Variants in WWOX observed in about 807,000 individuals in gnomAD.
The protein encoded by WWOX is WW domain containing oxidoreductase, also known as WW domain-containing oxidoreductase.
In WWOX, 69 loss-of-function variants were observed where a neutral mutation model predicts 46.2. That is an observed-to-expected ratio of 1.49 (90% CI 1.23 to 1.82). The LOEUF is 1.82. WWOX is among the 40% of genes most tolerant of loss of function. The probability of loss-of-function intolerance (pLI) is 0.00; values close to 1 mark genes in which losing one functional copy is unlikely to be tolerated. For synonymous variants in WWOX, 359 were observed against 202.6 expected (o/e 1.77, Z -6.56); for missense variants, 919 against 542.6 (o/e 1.69, Z -6.89).
At chr16:78,370,495 GT>G (rs66577179) in intron 5 of WWOX, among the ~76,000 whole-genome samples, 141,047 of 151,600 alleles carry the variant, frequency 0.93, 65,882 homozygotes, top group African/African-American at 0.98. Flanking sequence ...TATCTACGAT[GT>G]TTTTTTTTTT....
chr16:78,908,401 G>A (rs187987550), intron 8 of WWOX, among the ~76,000 whole-genome samples: 194 of 152,156 alleles, frequency 1.3e-3, no homozygotes, highest in African/African-American at 4.2e-3. Context: ...TTAGCCAGGC[G>A]TAGTGGTAGG....
chr16:78,939,583 C>G (rs7184982), intron 8 of WWOX, among the ~76,000 whole-genome samples: 3,026 of 152,208 alleles, frequency 0.02, 86 homozygotes, highest in African/African-American at 0.067. Flanking sequence ...TTGTATATGG[C>G]TACTGAAATG....
intron 4 of WWOX, among the ~76,000 whole-genome samples, chr16:78,125,973 C>A (rs192473343): frequency 1.3e-5 from 2 of 152,014 alleles, no homozygotes; most frequent in African/African-American, 2.4e-5. Flanking sequence ...TTTAAAAAAA[C>A]CCCAATTCTT....
chr16:79,160,830 G>C (rs539802711), intron 8 of WWOX, among the ~76,000 whole-genome samples: 1 of 152,176 alleles, frequency 6.6e-6, no homozygotes, highest in African/African-American at 2.4e-5. Context: ...ATGTAGACAT[G>C]TATAGATGCA....
intron 6 of WWOX, among the ~76,000 whole-genome samples, chr16:78,392,379 C>T (rs4357949): frequency 6.6e-6 from 1 of 151,614 alleles, no homozygotes; most frequent in Non-Finnish European, 1.5e-5. Context: ...TTGTCTAGTT[C>T]TAGGAAAACA....
intron 8 of WWOX, among the ~76,000 whole-genome samples, chr16:78,819,578 C>T (rs895237714): frequency 6.6e-6 from 1 of 152,130 alleles, no homozygotes; most frequent in Admixed American, 6.5e-5. Context: ...GGGTACTCTG[C>T]ATGTGGGGTA....
chr16:78,618,638 C>T (rs770403910), intron 8 of WWOX, among the ~76,000 whole-genome samples: 11 of 152,124 alleles, frequency 7.2e-5, no homozygotes, highest in East Asian at 1.9e-4. Context: ...GGACACAGTA[C>T]GCTCTCATAA....
chr16:78,592,253 G>A (rs1489938903), intron 8 of WWOX, among the ~76,000 whole-genome samples: 2 of 152,168 alleles, frequency 1.3e-5, no homozygotes, highest in Non-Finnish European at 2.9e-5. Context: ...TCACTTTTTA[G>A]AGGTCAGATT....
chr16:79,028,564 C>T (rs893327258), intron 8 of WWOX, among the ~76,000 whole-genome samples: 9 of 151,554 alleles, frequency 5.9e-5, no homozygotes, highest in African/African-American at 2.2e-4. Context: ...TCCCTCCTCT[C>T]TCCTTCCTTC....
chr16:78,755,819 G>C (rs2049632061), intron 8 of WWOX, among the ~76,000 whole-genome samples: 1 of 152,186 alleles, frequency 6.6e-6, no homozygotes. Flanking sequence ...CCATTTAATA[G>C]CTTTGGGTCT....
At chr16:79,018,479 C>G (rs866061340) in intron 8 of WWOX, among the ~76,000 whole-genome samples, 4 of 152,136 alleles carry the variant, frequency 2.6e-5, no homozygotes, top group Non-Finnish European at 5.9e-5. Flanking sequence ...GCCACTTGGT[C>G]TGTGTCTACA....
chr16:78,985,812 C>T (rs751352412), intron 8 of WWOX, among the ~76,000 whole-genome samples: 2 of 152,194 alleles, frequency 1.3e-5, no homozygotes, highest in Non-Finnish European at 2.9e-5. Context: ...CCTGGATCCT[C>T]ACATTGCAAT....
intron 8 of WWOX, among the ~76,000 whole-genome samples, chr16:78,774,207 C>G (rs1032256566): frequency 6.6e-6 from 1 of 152,128 alleles, no homozygotes; most frequent in Non-Finnish European, 1.5e-5. Flanking sequence ...TGGAGACCAT[C>G]CTGGCCAACA....
At chr16:78,892,524 G>A (rs912186662) in intron 8 of WWOX, among the ~76,000 whole-genome samples, 1 of 152,204 alleles carries the variant, frequency 6.6e-6, no homozygotes, top group Non-Finnish European at 1.5e-5. Flanking sequence ...GTCAAGAAGT[G>A]GGAGCTGGAC....
rs1305395657 is a variant in WWOX at position 78,422,784 on chromosome 16, TACACACACAC to T, written c.606-2084_606-2075del. 5.1e-4 allele frequency among the ~76,000 whole-genome samples: 55 copies of T among 107,274 alleles called. 1 individual carries two copies. The highest frequency in any genetic ancestry group is 3.4e-3 in the African/African-American group (52 of 15,240). The allele number at this position is 107,274 out of a possible 152,430, so 70.4% of individuals were successfully genotyped here. On this transcript the variant is annotated intron_variant, in intron 6 of 8. Coordinates refer to ENST00000566780, the MANE Select transcript of WWOX (RefSeq NM_016373.4). ...ACATATATATACACACATATATATATACACACACACATATATATACACACACATATATATA... is the reference window on the plus strand; with the variant it reads ...ACATATATATACACACATATATATATATATATATACACACACATATATATA...
chr16:78,625,736 T>G (rs2046296738), intron 8 of WWOX, among the ~76,000 whole-genome samples: 2 of 135,878 alleles, frequency 1.5e-5, no homozygotes, highest in African/African-American at 2.8e-5. Context: ...CGGTTTTACT[T>G]CTGCAGTTTT....
intron 8 of WWOX, among the ~76,000 whole-genome samples, chr16:78,884,812 T>C (rs910101129): frequency 4.1e-4 from 62 of 152,238 alleles, no homozygotes; most frequent in African/African-American, 1.4e-3. Context: ...TATATTTTAC[T>C]CTAACAAAAA....
intron 8 of WWOX, among the ~76,000 whole-genome samples, chr16:78,720,063 G>T (rs116707715): frequency 4.6e-5 from 7 of 152,080 alleles, no homozygotes; most frequent in African/African-American, 1.7e-4. Context: ...AGAAAACAAC[G>T]ATTTCAATTT....
intron 5 of WWOX, among the ~76,000 whole-genome samples, chr16:78,183,064 A>G (rs889322958): frequency 3.3e-5 from 5 of 152,054 alleles, no homozygotes; most frequent in African/African-American, 1.2e-4. Flanking sequence ...CACATAGTGC[A>G]TTGATTGTTT....
Sources: allele counts gnomAD v4.1 joint callset (sites outside exome capture counted in the v4.1 genomes callset), GRCh38; gene constraint gnomAD v4.1.1; transcripts MANE v1.5; gene names NCBI Gene and HGNC (gene_info 2026-07-23, HGNC 2026-07-21).